Variants in ZKSCAN7 observed in about 807,000 individuals in gnomAD.
The protein encoded by ZKSCAN7 is zinc finger with KRAB and SCAN domains 7.
In ZKSCAN7, 38 loss-of-function variants were observed where a neutral mutation model predicts 65.3. The observed-to-expected ratio is 0.58, with a 90% CI of 0.45 to 0.76. The LOEUF (loss-of-function observed/expected upper bound fraction) is 0.76, where lower values mean the gene tolerates loss of function less well. Among genes scored for constraint, ZKSCAN7 ranks in the 30% least tolerant of loss-of-function variants. The pLI is 0.00. For synonymous variants in ZKSCAN7, 321 were observed against 321.0 expected (o/e 1.00, Z 0.00); for missense variants, 815 against 913.3 (o/e 0.89, Z 1.39).
chr3:44,576,803 A>G (rs945655489), downstream of ZKSCAN7, among the ~76,000 whole-genome samples: 2 of 152,168 alleles, frequency 1.3e-5, no homozygotes, highest in Admixed American at 1.3e-4. Flanking sequence ...ACTCAGGGCC[A>G]ACTTTTATAT....
chr3:44,556,984 A>G lies in ZKSCAN7; in HGVS notation c.-64A>G. The G allele has an allele frequency of 6.2e-7, 1 of 1,606,352 alleles. No individual in the cohort carries two copies. The highest frequency in any genetic ancestry group is 8.5e-7 in the Non-Finnish European group (1 of 1,176,102). On this transcript the variant is annotated 5_prime_UTR_variant, in exon 2 of 6. Transcript: ENST00000426540. ...CCTGAAAAACAGTTCCTGAGACCTG[A>G]ACTATTGACCATCATTTTAATCGGA...
At chr3:44,575,877 C>T (rs1699912928), downstream of ZKSCAN7, among the ~76,000 whole-genome samples, 1 of 152,036 alleles carries the variant, frequency 6.6e-6, no homozygotes. Context: ...TGCGCCTGGC[C>T]TTATTATTAT....
intron 2 of ZKSCAN7, among the ~76,000 whole-genome samples, chr3:44,558,160 C>T (rs150926730): frequency 1.4e-4 from 21 of 151,868 alleles, no homozygotes; most frequent in Admixed American, 4.6e-4. Flanking sequence ...GAGGTAGAAT[C>T]AGTAGGAGAG....
intron 2 of ZKSCAN7, among the ~76,000 whole-genome samples, chr3:44,562,315 G>A (rs1005438758): frequency 6.6e-6 from 1 of 152,230 alleles, no homozygotes; most frequent in Non-Finnish European, 1.5e-5. Context: ...CATGTCCTGA[G>A]GCTGCACAGA....
At chr3:44,566,646 T>A (rs892021505) in intron 3 of ZKSCAN7, among the ~76,000 whole-genome samples, 11 of 152,228 alleles carry the variant, frequency 7.2e-5, no homozygotes, top group Non-Finnish European at 1.0e-4. Flanking sequence ...TTATTTATTT[T>A]TTTTAAAGAG....
chr3:44,579,904 G>A, intron 5 of ZKSCAN7: 1 of 1,608,316 alleles, frequency 6.2e-7, no homozygotes, highest in Non-Finnish European at 8.5e-7. Context: ...AGGGCTCTGT[G>A]GACCTCCTGT....
chr3:44,557,735 C>T (rs977220056), intron 2 of ZKSCAN7: 22 of 526,254 alleles, frequency 4.2e-5, no homozygotes, highest in South Asian at 1.9e-4. Flanking sequence ...TCCTGGCAGG[C>T]GGGGGATCTG....
At chr3:44,580,457 A>G in intron 5 of ZKSCAN7, 5 of 1,603,432 alleles carry the variant, frequency 3.1e-6, no homozygotes, top group Non-Finnish European at 4.3e-6. Flanking sequence ...GGACTTTCTC[A>G]GCACTGGGGA....
At chr3:44,574,421 G>T (rs955043621), downstream of ZKSCAN7, among the ~76,000 whole-genome samples, 2 of 152,124 alleles carry the variant, frequency 1.3e-5, no homozygotes, top group African/African-American at 4.8e-5. Context: ...TCAATCTTAT[G>T]CCACTTATGT....
At chr3:44,579,708 CTG>C (rs1700017801) in intron 5 of ZKSCAN7, among the ~76,000 whole-genome samples, 1 of 152,210 alleles carries the variant, frequency 6.6e-6, no homozygotes, top group African/African-American at 2.4e-5. Flanking sequence ...ACTGGATACT[CTG>C]TGACATCGTA....
intron 5 of ZKSCAN7, among the ~76,000 whole-genome samples, chr3:44,579,584 G>A (rs1347475383): frequency 2.0e-5 from 3 of 152,122 alleles, no homozygotes; most frequent in Non-Finnish European, 2.9e-5. Flanking sequence ...GGCGGTGGTC[G>A]GGTGCACATG....
intron 5 of ZKSCAN7, among the ~76,000 whole-genome samples, chr3:44,577,743 G>T (rs1454448541): frequency 6.6e-6 from 1 of 152,164 alleles, no homozygotes; most frequent in African/African-American, 2.4e-5. Context: ...AAGACAACAG[G>T]AAGTCAACAC....
In ZKSCAN7 at chr3:44,565,593, C is replaced by A. The variant is rs1443873547; in HGVS notation, c.530C>A (p.Pro177His). The change falls in exon 3 of 6, where the codon CCT becomes CAT. Residue 177 changes from proline (P) to histidine (H), a missense_variant. By Grantham distance (77) the Pro-to-His change is moderately conservative (BLOSUM62 -2). Coordinates refer to ENST00000426540, the MANE Select transcript of ZKSCAN7 (RefSeq NM_001288590.2). The part of the protein sequence containing the change: ...PTSPLSGGSA[P>H]GAHLEPPYDP... The stretch of plus-strand genomic sequence containing the variant: ...TCACCCCTCAGTGGGGGCTCAGCCC[C>A]TGGAGCCCACCTGGAGCCTCCTTAT... 2 of 1,612,608 alleles carry A rather than the reference C, an allele frequency of 1.2e-6. No homozygotes were observed. The highest frequency in any genetic ancestry group is 1.1e-5 in the South Asian group (1 of 90,552).
chr3:44,557,170 T>C lies in ZKSCAN7; in HGVS notation c.123T>C (p.Ser41=), dbSNP rs747590986. ...ACCAGACCTGGGGGCAGGGCAGCAGTCTCCAGAAGAACTATCCTCCTGTCT... is the reference window on the plus strand; with the variant it reads ...ACCAGACCTGGGGGCAGGGCAGCAGCCTCCAGAAGAACTATCCTCCTGTCT... ...PANQTWGQGS[S]LQKNYPPVCE... Residue 41 remains serine, a synonymous_variant, in exon 2 of 6, where the codon AGT becomes AGC. Transcript: ENST00000426540. 6.2e-7 allele frequency: 1 copy of C among 1,614,206 alleles called. No individual in the cohort carries two copies. Among genetic ancestry groups the C allele is most frequent in the South Asian group, 1.1e-5 (1 of 91,084 alleles).
rs892603160 is a variant in ZKSCAN7 at position 44,581,162 on chromosome 3, G to C, written c.812-1810G>C. On this transcript the variant is annotated intron_variant, in intron 5 of 5. Transcript: ENST00000341840. Reference sequence around the variant, plus strand: ...TGACCGGCCTCCTTCCCTGCGGGCGGCTCGCTGCACGCGCCGAGGCTCCTG... The same window carrying C: ...TGACCGGCCTCCTTCCCTGCGGGCGCCTCGCTGCACGCGCCGAGGCTCCTG... 3.4e-6 allele frequency: 3 copies of C among 890,502 alleles called. No homozygotes were observed. In the African/African-American group the frequency reaches 5.5e-5, roughly 16 times the overall value. 55.2% of individuals were successfully genotyped at this position (890,502 alleles called of 1,614,324 possible).
At chr3:44,569,832 C>A in intron 5 of ZKSCAN7, 90 bp from the exon 6 acceptor site, 1 of 1,439,356 alleles carries the variant, frequency 6.9e-7, no homozygotes, top group Non-Finnish European at 9.1e-7. Flanking sequence ...CATAATGTGA[C>A]TTTTTTTCAG....
intron 5 of ZKSCAN7, chr3:44,579,847 C>T: frequency 1.2e-6 from 2 of 1,611,108 alleles, no homozygotes; most frequent in South Asian, 1.1e-5. Context: ...CCTCATACTG[C>T]TTAGTCAGCC....
chr3:44,575,330 G>A (rs1699902218), downstream of ZKSCAN7, among the ~76,000 whole-genome samples: 1 of 152,174 alleles, frequency 6.6e-6, no homozygotes, highest in African/African-American at 2.4e-5. Flanking sequence ...TTTGTTAGGT[G>A]TGTAACTGTG....
downstream of ZKSCAN7, among the ~76,000 whole-genome samples, chr3:44,572,430 G>A (rs2125727619): frequency 6.6e-6 from 1 of 152,024 alleles, no homozygotes; most frequent in South Asian, 2.1e-4. Flanking sequence ...GTGTGTATGT[G>A]TGTGAATGTG....
Sources: allele counts gnomAD v4.1 joint callset (sites outside exome capture counted in the v4.1 genomes callset), GRCh38; gene constraint gnomAD v4.1.1; transcripts MANE v1.5; gene names NCBI Gene and HGNC (gene_info 2026-07-23, HGNC 2026-07-21).